SLC43A3: variants seen among roughly 807,000 people sequenced by gnomAD.
SLC43A3 encodes the protein solute carrier family 43 member 3, also known as equilibrative nucleobase transporter 1.
Under a neutral mutation model 53.3 loss-of-function variants are expected in SLC43A3, and 33 were observed. The observed-to-expected ratio is 0.62, with a 90% CI of 0.47 to 0.83. The LOEUF is 0.83. SLC43A3 is among the 40% of genes least tolerant of loss of function. The pLI is 0.00. For missense variants in SLC43A3, 530 were observed against 610.0 expected (o/e 0.87, Z 1.38); for synonymous variants, 236 against 246.2 (o/e 0.96, Z 0.39).
At chr11:57,422,310 T>G (rs2135055594) in intron 5 of SLC43A3, among the ~76,000 whole-genome samples, 1 of 152,366 alleles carries the variant, frequency 6.6e-6, no homozygotes, top group Middle Eastern at 3.4e-3. Flanking sequence ...TGTAGCTGGA[T>G]GCATTTGACC....
Position 57,426,281 on chromosome 11 carries a change from C to A in SLC43A3, c.-109G>T. ...TGGAAAATTCCTCTGGCAAGCCAAG[C>A]CCTTCCTTTCCCGTAGCTCTCTGGT... On this transcript the variant is annotated 5_prime_UTR_variant, in exon 3 of 14. Coordinates refer to ENST00000395124, the MANE Select transcript of SLC43A3 (RefSeq NM_199329.3). 6.9e-6 allele frequency: 7 copies of A among 1,011,194 alleles called. No homozygotes were observed. In the South Asian group the frequency reaches 1.1e-4, roughly 16 times the overall value. The allele number at this position is 1,011,194 out of a possible 1,614,324, so 62.6% of individuals were successfully genotyped here.
intron 11 of SLC43A3, among the ~76,000 whole-genome samples, chr11:57,414,300 C>T (rs903830597): frequency 2.6e-5 from 4 of 152,140 alleles, no homozygotes; most frequent in African/African-American, 7.2e-5. Context: ...CACCCGAGGT[C>T]AGGAGTTCAA....
intron 5 of SLC43A3, 78 bp from the exon 6 acceptor site, chr11:57,421,451 C>G: frequency 1.9e-6 from 2 of 1,035,902 alleles, no homozygotes; most frequent in Non-Finnish European, 3.0e-6. Context: ...CTCCCACCTG[C>G]TCCAAATTCC....
At chr11:57,422,992 C>T (rs1382552222) in intron 5 of SLC43A3, among the ~76,000 whole-genome samples, 1 of 152,154 alleles carries the variant, frequency 6.6e-6, no homozygotes, top group East Asian at 1.9e-4. Flanking sequence ...ACTTTCTTTC[C>T]TAAACCAAAA....
intron 5 of SLC43A3, chr11:57,423,707 G>A (rs1943087143): frequency 2.9e-6 from 1 of 349,624 alleles, no homozygotes; most frequent in East Asian, 4.8e-5. Flanking sequence ...TGGGATTACA[G>A]GAGTGAGCCA....
At chr11:57,415,181 A>C in intron 9 of SLC43A3, 75 bp from the exon 10 acceptor site, 1 of 1,581,548 alleles carries the variant, frequency 6.3e-7, no homozygotes, top group Non-Finnish European at 8.6e-7. Context: ...TGGAGGCTTC[A>C]ATGGAACATT....
At chr11:57,420,912 A>G in intron 7 of SLC43A3, 60 bp downstream of exon 7, 1 of 1,164,010 alleles carries the variant, frequency 8.6e-7, no homozygotes, top group African/African-American at 1.5e-5. Flanking sequence ...ATGCAGGTTC[A>G]CAAGACAAGT....
Position 57,415,231 on chromosome 11 carries a change from T to C in SLC43A3, c.770-125A>G. Reference sequence around the variant, plus strand: ...ACCTTCTACCCTTGGCTCCCAGAACTCACCCGGCGTGCTCTGCACCTGCCT... The same window carrying C: ...ACCTTCTACCCTTGGCTCCCAGAACCCACCCGGCGTGCTCTGCACCTGCCT... On this transcript the variant is annotated intron_variant, in intron 9 of 13. Coordinates refer to ENST00000395124, the MANE Select transcript of SLC43A3 (RefSeq NM_199329.3). The C allele has an allele frequency of 2.6e-6, 4 of 1,540,870 alleles. No homozygotes were observed. In the South Asian group the frequency reaches 4.8e-5, roughly 18 times the overall value.
In SLC43A3 at chr11:57,407,311, C is replaced by T. The variant is rs1942256496; in HGVS notation, c.*481G>A. 1 of 154,978 alleles carries T rather than the reference C, an allele frequency of 6.5e-6. No homozygotes were observed. The highest frequency in any genetic ancestry group is 6.3e-5 in the Admixed American group (1 of 15,970). The allele number at this position is 154,978 out of a possible 1,614,324, so 9.6% of individuals were successfully genotyped here. ...GGCCCAGGGAACCCTGTCTGCTCCT[C>T]TTTTTCCCAGAGCTGTGAGTTCTCT... is the stretch of plus-strand genomic sequence containing the variant. On this transcript the variant is annotated 3_prime_UTR_variant, in exon 14 of 14. Transcript: ENST00000395124.
chr11:57,426,326 A>C lies in SLC43A3; in HGVS notation c.-154T>G, dbSNP rs1318307190. On this transcript the variant is annotated 5_prime_UTR_variant, in exon 3 of 14. Coordinates refer to ENST00000395124, the MANE Select transcript of SLC43A3 (RefSeq NM_199329.3). ...TCTGGTTGTTTCAGGCCTGGGCAAA[A>C]ACCATCAGCGGGTGATTCTCTGGAT... The C allele has an allele frequency of 6.2e-6, 4 of 650,186 alleles. No individual in the cohort carries two copies. In the East Asian group the frequency reaches 1.1e-4, roughly 18 times the overall value. The allele number at this position is 650,186 out of a possible 1,614,324, so 40.3% of individuals were successfully genotyped here. A position where few individuals can be genotyped will look rare whatever the true frequency, so the allele number is the denominator to read the frequency against.
At chr11:57,422,481 G>C (rs979559249) in intron 5 of SLC43A3, among the ~76,000 whole-genome samples, 1 of 152,194 alleles carries the variant, frequency 6.6e-6, no homozygotes, top group Non-Finnish European at 1.5e-5. Context: ...TGTAGTTCAC[G>C]TAGTATGCGT....
intron 13 of SLC43A3, 198 bp from the exon 14 acceptor site, chr11:57,408,094 TG>T: frequency 1.9e-6 from 1 of 538,756 alleles, no homozygotes; most frequent in East Asian, 3.1e-5. Flanking sequence ...CACTATCGGT[TG>T]GGGTAGAGGA....
intron 7 of SLC43A3, among the ~76,000 whole-genome samples, chr11:57,419,801 T>TAA (rs11417407): frequency 0.01 from 724 of 71,332 alleles, 3 homozygotes; most frequent in South Asian, 0.015. Flanking sequence ...AACTCAATAA[T>TAA]AAAAAAAAAA....
intron 6 of SLC43A3, 58 bp downstream of exon 6, chr11:57,421,239 C>T: frequency 6.8e-7 from 1 of 1,474,772 alleles, no homozygotes; most frequent in Non-Finnish European, 9.4e-7. Flanking sequence ...AAGGGTCTCT[C>T]CTTCCCTCCA....
chr11:57,407,752 A>C lies in SLC43A3; in HGVS notation c.*40T>G. The C allele has an allele frequency of 2.1e-6, 3 of 1,396,800 alleles. No homozygotes were observed. The highest frequency in any genetic ancestry group is 3.0e-6 in the Non-Finnish European group (3 of 984,924). 86.5% of individuals were successfully genotyped at this position (1,396,800 alleles called of 1,614,324 possible). On this transcript the variant is annotated 3_prime_UTR_variant, in exon 14 of 14. Coordinates refer to ENST00000395124, the MANE Select transcript of SLC43A3 (RefSeq NM_199329.3). ...GGTCCTCAAAGGTGGTGGAAGATGAACAAAACCATCCTCGGGGCTGAAAAG... is the reference window on the plus strand; with the variant it reads ...GGTCCTCAAAGGTGGTGGAAGATGACCAAAACCATCCTCGGGGCTGAAAAG...
rs1021665157 is a variant in SLC43A3, at chr11:57,426,619, G to A, written c.-212C>T. ...GCTCCCCGGGAGCAGGTGGAGAAGC[G>A]GAGCTCCTGCGCTCGAATTCTGAAT... On this transcript the variant is annotated 5_prime_UTR_variant, in exon 2 of 14. Transcript: ENST00000395124. 4 of 158,278 alleles carry A rather than the reference G, an allele frequency of 2.5e-5. No individual in the cohort carries two copies. Among genetic ancestry groups the A allele is most frequent in the African/African-American group, 9.6e-5 (4 of 41,556 alleles). The allele number at this position is 158,278 out of a possible 1,614,324, so 9.8% of individuals were successfully genotyped here.
At chr11:57,414,812 G>C (rs989985486) in intron 10 of SLC43A3, 81 bp from the exon 11 acceptor site, 2 of 1,517,416 alleles carry the variant, frequency 1.3e-6, no homozygotes, top group Non-Finnish European at 1.8e-6. Flanking sequence ...CCTTACCCTT[G>C]TCTGCATGTC....
In SLC43A3 at chr11:57,407,906, G is replaced by C. The variant is rs745908986; in HGVS notation, c.1372-10C>G. On this transcript the variant is annotated splice_polypyrimidine_tract_variant and intron_variant, in intron 13 of 13. Transcript: ENST00000395124. ...TGAACATCACATTCACCTGCAGGGAGAGCAGAAGTGAGGTGAAATCCAGGA... is the reference window on the plus strand; with the variant it reads ...TGAACATCACATTCACCTGCAGGGACAGCAGAAGTGAGGTGAAATCCAGGA... The C allele has an allele frequency of 3.2e-6, 5 of 1,564,232 alleles. No homozygotes were observed. The highest frequency in any genetic ancestry group is 3.5e-6 in the Non-Finnish European group (4 of 1,135,000).
At position 57,423,230 on chromosome 11, in the gene SLC43A3, T is replaced by C. The variant is rs372304010; in HGVS notation, c.361+752A>G. On this transcript the variant is annotated intron_variant, in intron 5 of 13. Coordinates refer to ENST00000395124, the MANE Select transcript of SLC43A3 (RefSeq NM_199329.3). ...GAAGGGTGGTGGAAAATAAACCAGA[T>C]TGGAGTTCCAGACTTAACAGACTGG... 6.6e-5 allele frequency among the ~76,000 whole-genome samples: 10 copies of C among 152,124 alleles called. No individual in the cohort carries two copies. In the South Asian group the frequency reaches 1.0e-3, roughly 16 times the overall value.
Sources: allele counts gnomAD v4.1 joint callset (sites outside exome capture counted in the v4.1 genomes callset), GRCh38; gene constraint gnomAD v4.1.1; transcripts MANE v1.5; gene names NCBI Gene and HGNC (gene_info 2026-07-23, HGNC 2026-07-21).